SPMIP4: variants seen among roughly 807,000 people sequenced by gnomAD.
SPMIP4 encodes sperm microtubule inner protein 4, also known as sperm-associated microtubule inner protein 4.
chr7:25,156,340 T>C, the SPMIP4 span, among the ~76,000 whole-genome samples: 3 of 152,220 alleles, frequency 2.0e-5, no homozygotes, highest in African/African-American at 7.2e-5. Flanking sequence ...GCCTCCCACC[T>C]TGGAACTTGC....
chr7:25,134,368 CAAAA>C, the SPMIP4 span, among the ~76,000 whole-genome samples: 2 of 129,730 alleles, frequency 1.5e-5, no homozygotes, highest in Non-Finnish European at 3.4e-5. Flanking sequence ...AAAACAAAAA[CAAAA>C]AACACACACA....
At chr7:25,179,538 G>C in the SPMIP4 span, 1 of 384,622 alleles carries the variant, frequency 2.6e-6, no homozygotes. Flanking sequence ...CAAAGTGGAC[G>C]GTGCCTCCAA....
chr7:25,132,043 A>G, the SPMIP4 span, among the ~76,000 whole-genome samples: 1 of 152,194 alleles, frequency 6.6e-6, no homozygotes, highest in African/African-American at 2.4e-5. This position sits in a 1 kb window ranked among gnomAD's most constrained non-coding sequence, Gnocchi z 5.0. Flanking sequence ...GCAAGATTTA[A>G]TAGAGTGAAA....
chr7:25,158,855 A>G, the SPMIP4 span, among the ~76,000 whole-genome samples: 2 of 115,234 alleles, frequency 1.7e-5, no homozygotes, highest in African/African-American at 9.8e-5. Flanking sequence ...AGTCTGTCTC[A>G]AAAAAAAAAA....
the SPMIP4 span, among the ~76,000 whole-genome samples, chr7:25,126,849 A>G: frequency 6.6e-6 from 1 of 152,156 alleles, no homozygotes; most frequent in Non-Finnish European, 1.5e-5. Context: ...AACTCCCTTT[A>G]GCATTTCTTG....
chr7:25,130,066 C>T, the SPMIP4 span, among the ~76,000 whole-genome samples: 8 of 151,540 alleles, frequency 5.3e-5, no homozygotes, highest in South Asian at 4.2e-4. Context: ...GGTGAAACCC[C>T]GTCTCTACTA....
chr7:25,151,032 T>C, the SPMIP4 span, among the ~76,000 whole-genome samples: 1 of 152,088 alleles, frequency 6.6e-6, no homozygotes, highest in Non-Finnish European at 1.5e-5. Context: ...AAGAATAGGG[T>C]TGGAGGAACA....
the SPMIP4 span, chr7:25,134,646 G>C: frequency 1.0e-6 from 1 of 983,084 alleles, no homozygotes; most frequent in Non-Finnish European, 1.2e-6. Context: ...GGGTACAAAG[G>C]TATGAACATT....
the SPMIP4 span, among the ~76,000 whole-genome samples, chr7:25,140,490 CA>C: frequency 6.6e-5 from 10 of 151,952 alleles, no homozygotes; most frequent in African/African-American, 2.2e-4. Context: ...TTAGTAGAGA[CA>C]GGGTTTCACC....
the SPMIP4 span, among the ~76,000 whole-genome samples, chr7:25,127,424 A>G: frequency 6.6e-6 from 1 of 152,150 alleles, no homozygotes; most frequent in Non-Finnish European, 1.5e-5. Context: ...CAAATAGCCC[A>G]TCTTCAAGCT....
At chr7:25,136,808 T>A in the SPMIP4 span, 4 of 1,593,768 alleles carry the variant, frequency 2.5e-6, no homozygotes, top group Non-Finnish European at 3.4e-6. This position sits in a 1 kb window ranked among gnomAD's most constrained non-coding sequence, Gnocchi z 5.7. Context: ...AGTTGTGGGA[T>A]AAAAAGGAGA....
At chr7:25,154,210 T>C in the SPMIP4 span, among the ~76,000 whole-genome samples, 1 of 152,276 alleles carries the variant, frequency 6.6e-6, no homozygotes. Flanking sequence ...GGCAATATTC[T>C]GTCCTTGCAT....
chr7:25,144,758 G>C, the SPMIP4 span, among the ~76,000 whole-genome samples: 1 of 152,178 alleles, frequency 6.6e-6, no homozygotes, highest in Admixed American at 6.5e-5. Flanking sequence ...CTGGGCCTAA[G>C]GGTTATGCTG....
At chr7:25,147,974 G>A in the SPMIP4 span, among the ~76,000 whole-genome samples, 1 of 152,156 alleles carries the variant, frequency 6.6e-6, no homozygotes. Context: ...TTGGCTTGGA[G>A]GGAAAGTACT....
the SPMIP4 span, among the ~76,000 whole-genome samples, chr7:25,144,884 A>T: frequency 6.6e-6 from 1 of 152,166 alleles, no homozygotes; most frequent in African/African-American, 2.4e-5. Context: ...TTATTCAGGG[A>T]TAAAGAAAGC....
chr7:25,136,835 A>T, the SPMIP4 span: 3 of 1,572,862 alleles, frequency 1.9e-6, no homozygotes, highest in African/African-American at 4.1e-5. This position sits in a 1 kb window ranked among gnomAD's most constrained non-coding sequence, Gnocchi z 5.7. Flanking sequence ...TTGATCAGGG[A>T]TATTGCCACA....
At chr7:25,179,090 A>T in the SPMIP4 span, 1 of 1,368,788 alleles carries the variant, frequency 7.3e-7, no homozygotes, top group Non-Finnish European at 9.9e-7. Flanking sequence ...GCCCCAGAAC[A>T]ATAAATGTTT....
chr7:25,152,197 CT>C, the SPMIP4 span, among the ~76,000 whole-genome samples: 1 of 152,094 alleles, frequency 6.6e-6, no homozygotes, highest in African/African-American at 2.4e-5. Context: ...AAATACATTT[CT>C]ATATTATCTG....
At chr7:25,140,835 C>G in the SPMIP4 span, among the ~76,000 whole-genome samples, 1 of 152,184 alleles carries the variant, frequency 6.6e-6, no homozygotes, top group African/African-American at 2.4e-5. Context: ...GATCCACCCG[C>G]CTCAGCCTCC....
Sources: allele counts gnomAD v4.1 joint callset (sites outside exome capture counted in the v4.1 genomes callset), GRCh38; gene constraint gnomAD v4.1.1; non-coding constraint Gnocchi (gnomAD v3.1); transcripts MANE v1.5; gene names NCBI Gene and HGNC (gene_info 2026-07-23, HGNC 2026-07-21).